Variants in GHR observed in about 807,000 individuals in gnomAD.
GHR encodes growth hormone receptor.
In GHR, 35 loss-of-function variants were observed where a neutral mutation model predicts 67.1. The observed-to-expected ratio is 0.52, with a 90% CI of 0.40 to 0.69. The LOEUF is 0.69. Among genes scored for constraint, GHR ranks in the 30% least tolerant of loss-of-function variants. The probability of loss-of-function intolerance (pLI) is 0.00; values close to 1 mark genes in which losing one functional copy is unlikely to be tolerated. For missense variants in GHR, 792 were observed against 764.6 expected (o/e 1.04, Z -0.42); for synonymous variants, 272 against 269.1 (o/e 1.01, Z -0.10).
At chr5:42,476,387 A>G (rs1745321045) in intron 1 of GHR, among the ~76,000 whole-genome samples, 1 of 150,892 alleles carries the variant, frequency 6.6e-6, no homozygotes, top group Admixed American at 6.6e-5. Context: ...GCCCGGCTAA[A>G]TTTTTTGTTT....
At chr5:42,580,487 A>T (rs1467176726) in intron 2 of GHR, among the ~76,000 whole-genome samples, 1 of 152,168 alleles carries the variant, frequency 6.6e-6, no homozygotes, top group African/African-American at 2.4e-5. Flanking sequence ...CCAAAAGTTG[A>T]TCTTTAATAT....
intron 1 of GHR, among the ~76,000 whole-genome samples, chr5:42,553,488 C>T (rs1445074540): frequency 2.0e-5 from 3 of 152,148 alleles, no homozygotes; most frequent in Non-Finnish European, 4.4e-5. Flanking sequence ...TACCCTCTTC[C>T]AGCAACAGAA....
At chr5:42,631,805 T>C (rs191988323) in intron 3 of GHR, among the ~76,000 whole-genome samples, 4 of 152,320 alleles carry the variant, frequency 2.6e-5, no homozygotes, top group Admixed American at 2.6e-4. Context: ...ATAAAAACCC[T>C]GTCAGGACAA....
At chr5:42,467,250 C>A in intron 1 of GHR, 1 of 1,356,834 alleles carries the variant, frequency 7.4e-7, no homozygotes. Context: ...TTATCTGGTA[C>A]ATAATAAGGT....
chr5:42,530,065 G>T (rs1330910035), intron 1 of GHR, among the ~76,000 whole-genome samples: 1 of 106,754 alleles, frequency 9.4e-6, no homozygotes, highest in South Asian at 3.2e-4. Context: ...ATTTAGGTAT[G>T]ATCAGCAAAT....
intron 4 of GHR, among the ~76,000 whole-genome samples, chr5:42,690,071 T>C (rs1162139712): frequency 6.6e-6 from 1 of 152,228 alleles, no homozygotes; most frequent in Non-Finnish European, 1.5e-5. Context: ...GCTTAAACAC[T>C]TCATTATCTC....
chr5:42,518,309 GTTGT>G (rs980799877), intron 1 of GHR, among the ~76,000 whole-genome samples: 2 of 152,154 alleles, frequency 1.3e-5, no homozygotes, highest in East Asian at 1.9e-4. Context: ...TGTGTTGTTG[GTTGT>G]TTGTTCCCTT....
chr5:42,614,969 C>A (rs977832756), intron 2 of GHR, among the ~76,000 whole-genome samples: 30 of 152,082 alleles, frequency 2.0e-4, no homozygotes, highest in African/African-American at 6.5e-4. Context: ...ATCTCCAAAG[C>A]CCCTCCCTTG....
At chr5:42,609,681 G>T (rs1300919763) in intron 2 of GHR, among the ~76,000 whole-genome samples, 1 of 151,950 alleles carries the variant, frequency 6.6e-6, no homozygotes, top group Non-Finnish European at 1.5e-5. Flanking sequence ...GTTCAAAGAG[G>T]GTAATAAATT....
intron 2 of GHR, among the ~76,000 whole-genome samples, chr5:42,576,100 A>AAAATAAAATAAAAT (rs1396306656): frequency 0.04 from 644 of 15,964 alleles, 33 homozygotes; most frequent in African/African-American, 0.084. Context: ...AAAATAAAAT[A>AAAATAAAATAAAAT]AATAAAATAA....
intron 2 of GHR, among the ~76,000 whole-genome samples, chr5:42,578,205 G>A (rs1015904422): frequency 2.0e-5 from 3 of 152,032 alleles, no homozygotes; most frequent in Non-Finnish European, 4.4e-5. Context: ...TATAGACATT[G>A]CTAAGTGTTC....
chr5:42,596,699 T>A (rs192806601), intron 2 of GHR, among the ~76,000 whole-genome samples: 1 of 152,114 alleles, frequency 6.6e-6, no homozygotes, highest in Non-Finnish European at 1.5e-5. Context: ...CCTGATATGA[T>A]TGAGAGACTG....
At chr5:42,678,408 G>A (rs1235709711) in intron 3 of GHR, among the ~76,000 whole-genome samples, 1 of 152,106 alleles carries the variant, frequency 6.6e-6, no homozygotes, top group Non-Finnish European at 1.5e-5. Flanking sequence ...CATCACAGTG[G>A]TGAATCTACT....
intron 2 of GHR, among the ~76,000 whole-genome samples, chr5:42,597,774 A>G (rs1331596965): frequency 6.6e-6 from 1 of 152,184 alleles, no homozygotes; most frequent in Non-Finnish European, 1.5e-5. Context: ...AGACACTGAA[A>G]TGACTGCCAG....
intron 3 of GHR, among the ~76,000 whole-genome samples, chr5:42,668,775 C>T (rs949413660): frequency 4.6e-5 from 7 of 152,034 alleles, no homozygotes; most frequent in Admixed American, 1.3e-4. Context: ...AGGTATATTG[C>T]ATGCCAATGC....
At chr5:42,658,089 AT>A (rs2112849516) in intron 3 of GHR, among the ~76,000 whole-genome samples, 1 of 152,284 alleles carries the variant, frequency 6.6e-6, no homozygotes, top group South Asian at 2.1e-4. Flanking sequence ...GTTCATATAA[AT>A]TAGGGTAAAA....
intron 1 of GHR, among the ~76,000 whole-genome samples, chr5:42,556,511 G>A (rs1749317639): frequency 6.6e-6 from 1 of 152,114 alleles, no homozygotes; most frequent in African/African-American, 2.4e-5. Context: ...ATTTTAGAAT[G>A]AGCCACGTGT....
At chr5:42,486,772 A>G (rs13154001) in intron 1 of GHR, among the ~76,000 whole-genome samples, 1 of 151,528 alleles carries the variant, frequency 6.6e-6, no homozygotes, top group Non-Finnish European at 1.5e-5. Flanking sequence ...GTGTGAACCC[A>G]GGAGGCGGAG....
intron 2 of GHR, among the ~76,000 whole-genome samples, chr5:42,606,909 G>C (rs1752655151): frequency 6.6e-6 from 1 of 152,114 alleles, no homozygotes; most frequent in African/African-American, 2.4e-5. Context: ...CTGTGGTCCA[G>C]AGATAATTGC....
Sources: gnomAD v4.1 joint callset for allele counts (sites outside exome capture counted in the v4.1 genomes callset) on GRCh38, gnomAD v4.1.1 for gene constraint, MANE v1.5 for transcripts, NCBI Gene and HGNC (gene_info 2026-07-23, HGNC 2026-07-21) for gene names.